The following GSE1 variants were observed in gnomAD, a reference collection of about 807,000 sequenced individuals.
The protein encoded by GSE1 is Gse1 coiled-coil protein.
A neutral mutation model predicts 112.6 loss-of-function variants in GSE1; 32 were observed. The observed-to-expected ratio is 0.28, with a 90% CI of 0.21 to 0.38. GSE1 has a LOEUF of 0.38. Ranked by LOEUF, GSE1 falls within the 10% of genes least tolerant of loss-of-function variation. GSE1 has a pLI of 1.00. For synonymous variants in GSE1, 1,115 were observed against 735.6 expected (o/e 1.52, Z -8.35); for missense variants, 2,348 against 1,699.2 (o/e 1.38, Z -6.71).
intron 2 of GSE1, among the ~76,000 whole-genome samples, chr16:85,428,763 A>G (rs988453461): frequency 6.6e-5 from 10 of 152,046 alleles, no homozygotes; most frequent in Admixed American, 6.5e-4. Flanking sequence ...CCCCCATTCT[A>G]GTTACCAGGG....
intron 15 of GSE1, 35 bp from the exon 16 acceptor site, chr16:85,672,370 C>G (rs546699054): frequency 1.3e-6 from 2 of 1,557,884 alleles, no homozygotes; most frequent in Non-Finnish European, 1.8e-6. Flanking sequence ...ACAGAGGAAA[C>G]GGGTTGGTTT....
rs1253460613 is a variant in GSE1, at chr16:85,675,239, C to T, written c.*2700C>T. The T allele has an allele frequency of 2.0e-5, 3 of 152,174 alleles. No individual in the cohort carries two copies. The highest frequency in any genetic ancestry group is 4.4e-5 in the Non-Finnish European group (3 of 68,036). The allele number at this position is 152,174 out of a possible 1,614,324, so 9.4% of individuals were successfully genotyped here. ...TATGCCACCTGTGTGTCAGGATGCA[C>T]CTGAAAGCCCTCGGCTCGGTCCTTA... is the stretch of plus-strand genomic sequence containing the variant. On this transcript the variant is annotated 3_prime_UTR_variant, in exon 16 of 16. Transcript: ENST00000253458.
At chr16:85,667,015 G>C (rs2052917918) in intron 13 of GSE1, among the ~76,000 whole-genome samples, 1 of 152,230 alleles carries the variant, frequency 6.6e-6, no homozygotes, top group Non-Finnish European at 1.5e-5. Context: ...GTGTGCATAG[G>C]TGATACGCAG....
chr16:85,492,258 C>T lies in GSE1; in HGVS notation c.2464+134615C>T, dbSNP rs538326436. ...TGCCGGAGGCTGCACTGGCTGGGAG[C>T]CGCCCCCGTCGGCCTGTGCTGAGGT... On this transcript the variant is annotated intron_variant, in intron 2 of 2. Transcript: ENST00000637419. 9.9e-5 allele frequency among the ~76,000 whole-genome samples: 15 copies of T among 152,266 alleles called. No individual in the cohort carries two copies. In the East Asian group the frequency reaches 2.7e-3, roughly 27 times the overall value.
At chr16:85,365,016 A>G (rs934022511) in intron 2 of GSE1, among the ~76,000 whole-genome samples, 1 of 152,298 alleles carries the variant, frequency 6.6e-6, no homozygotes, top group East Asian at 1.9e-4. Context: ...GCCTGTCCTC[A>G]GGCCCCTGCA....
intron 1 of GSE1, among the ~76,000 whole-genome samples, chr16:85,348,548 A>G (rs1253157146): frequency 2.0e-5 from 3 of 152,142 alleles, no homozygotes; most frequent in Non-Finnish European, 4.4e-5. Flanking sequence ...CTGCCCATCC[A>G]TGAAATGCAG....
intron 1 of GSE1, among the ~76,000 whole-genome samples, chr16:85,246,035 CT>C (rs1905628912): frequency 6.6e-6 from 1 of 151,296 alleles, no homozygotes; most frequent in South Asian, 2.1e-4. Flanking sequence ...TGGGGGTTGT[CT>C]GCATGTGTTA....
At chr16:85,556,446 AC>A (rs1466398116) in intron 1 of GSE1, 3 of 567,782 alleles carry the variant, frequency 5.3e-6, no homozygotes, top group African/African-American at 2.1e-5. Context: ...CCTCCGCCAG[AC>A]CCCCGAGCCA....
intron 2 of GSE1, 28 bp downstream of exon 2, chr16:85,634,160 G>C: frequency 2.2e-6 from 3 of 1,387,406 alleles, no homozygotes; most frequent in Non-Finnish European, 2.8e-6. Context: ...GCTGCGCGTG[G>C]GGGGAGCGGC....
Position 85,355,243 on chromosome 16 carries a change from C to A in GSE1, c.2284-2220C>A, listed in dbSNP as rs532704613. Among the ~76,000 whole-genome samples, 1,186 of 148,740 alleles carry A rather than the reference C, an allele frequency of 8.0e-3. 9 individuals carry two copies. Among genetic ancestry groups the A allele is most frequent in the African/African-American group, 0.029 (1,129 of 38,810 alleles). ...CCTAAAAGAAAAAAAAAACAAAAAACCGGATCAACAGAAAGTTGCTTTTCC... is the reference window on the plus strand; with the variant it reads ...CCTAAAAGAAAAAAAAAACAAAAAAACGGATCAACAGAAAGTTGCTTTTCC... On this transcript the variant is annotated intron_variant, in intron 1 of 2. Transcript: ENST00000637419.
At position 85,494,846 on chromosome 16, in the gene GSE1, C is replaced by A. The variant is rs548826464; in HGVS notation, c.2464+137203C>A. ...TGTTCTTCTGATGAGGAAGCCAAGC[C>A]CAGAAGGGCGAGGTGCCTCTGTGGC... On this transcript the variant is annotated intron_variant, in intron 2 of 2. Coordinates refer to the GSE1 transcript ENST00000637419. 8.5e-5 allele frequency among the ~76,000 whole-genome samples: 13 copies of A among 152,348 alleles called. 1 individual carries two copies. The South Asian group carries it at 2.5e-3, about 29-fold the overall frequency.
intron 2 of GSE1, among the ~76,000 whole-genome samples, chr16:85,529,199 G>A (rs918307244): frequency 6.6e-6 from 1 of 152,100 alleles, no homozygotes; most frequent in Non-Finnish European, 1.5e-5. Context: ...TGGGGGTGGG[G>A]GTGTCAAGCC....
At chr16:85,491,865 CA>C (rs1437144825) in intron 2 of GSE1, among the ~76,000 whole-genome samples, 1 of 152,170 alleles carries the variant, frequency 6.6e-6, no homozygotes, top group Admixed American at 6.5e-5. Context: ...CGAGGTCAGC[CA>C]GGGGGTGGCT....
At chr16:85,556,818 C>T (rs2045247904) in intron 1 of GSE1, among the ~76,000 whole-genome samples, 1 of 144,002 alleles carries the variant, frequency 6.9e-6, no homozygotes. Flanking sequence ...GCGGTCTCGG[C>T]GCGAGCGTGG....
At chr16:85,262,109 C>A (rs1567646980) in intron 1 of GSE1, among the ~76,000 whole-genome samples, 1 of 152,144 alleles carries the variant, frequency 6.6e-6, no homozygotes, top group Non-Finnish European at 1.5e-5. Context: ...TGGCATCTCC[C>A]CGGCGGGTGC....
chr16:85,625,961 G>A (rs1418824679), intron 1 of GSE1, among the ~76,000 whole-genome samples: 1 of 152,032 alleles, frequency 6.6e-6, no homozygotes, highest in Non-Finnish European at 1.5e-5. Flanking sequence ...GGTTGCCCCC[G>A]CCCACCTGCT....
chr16:85,316,447 T>C (rs2045987013), intron 1 of GSE1, among the ~76,000 whole-genome samples: 1 of 152,178 alleles, frequency 6.6e-6, no homozygotes, highest in Non-Finnish European at 1.5e-5. Flanking sequence ...GACCAGCCCA[T>C]CTTGCACCCA....
At chr16:85,340,448 T>C (rs1296076038) in intron 1 of GSE1, among the ~76,000 whole-genome samples, 1 of 152,182 alleles carries the variant, frequency 6.6e-6, no homozygotes, top group African/African-American at 2.4e-5. Context: ...GAAACCAGCC[T>C]GGCCAACATG....
chr16:85,227,416 A>G (rs527562153), intron 1 of GSE1, among the ~76,000 whole-genome samples: 8 of 152,190 alleles, frequency 5.3e-5, no homozygotes, highest in East Asian at 1.9e-4. Context: ...GATCAGCTCT[A>G]TCTTGCAAGG....
Sources: gnomAD v4.1 joint callset for allele counts (sites outside exome capture counted in the v4.1 genomes callset) on GRCh38, gnomAD v4.1.1 for gene constraint, MANE v1.5 for transcripts, NCBI Gene and HGNC (gene_info 2026-07-23, HGNC 2026-07-21) for gene names.